Variants in RERG observed in about 807,000 individuals in gnomAD.
RERG encodes ras-related and estrogen-regulated growth inhibitor.
In RERG, 25 loss-of-function variants were observed where a neutral mutation model predicts 23.2. The observed-to-expected ratio is 1.08, with a 90% confidence interval of 0.79 to 1.50. The LOEUF (loss-of-function observed/expected upper bound fraction) is 1.50. Ranked by LOEUF, RERG falls within the 40% of genes most tolerant of loss-of-function variation. RERG has a pLI of 0.00. For synonymous variants in RERG, 81 were observed against 89.1 expected (o/e 0.91, Z 0.51); for missense variants, 253 against 250.1 (o/e 1.01, Z -0.08).
rs758066605 is a variant in RERG at position 15,109,157 on chromosome 12, G to A, written c.553C>T (p.His185Tyr). 4 of 1,606,184 alleles carry A rather than the reference G, an allele frequency of 2.5e-6. No individual in the cohort carries two copies. The stretch of plus-strand genomic sequence containing the variant: ...ATCTTGTTAATGGCTTGCTTGACAT[G>A]CGTGGTGGAGCTGCGTCGCCTCGTC... Reference protein sequence around the residue: ...GKTRRRSSTTHVKQAINKMLT... With the variant: ...GKTRRRSSTTYVKQAINKMLT... The change falls in exon 5 of 5, where the codon CAT (histidine) becomes TAT (tyrosine). Residue 185 changes from histidine (H) to tyrosine (Y), a missense_variant. His to Tyr is a moderately conservative substitution (Grantham distance 83). Coordinates refer to ENST00000256953, the MANE Select transcript of RERG (RefSeq NM_032918.3).
At chr12:15,120,125 A>G (rs898929177) in intron 3 of RERG, among the ~76,000 whole-genome samples, 3 of 152,190 alleles carry the variant, frequency 2.0e-5, no homozygotes, top group African/African-American at 7.2e-5. Context: ...AACGATTTAG[A>G]CAAAAATGTT....
intron 2 of RERG, among the ~76,000 whole-genome samples, chr12:15,211,163 A>G (rs1865360588): frequency 6.6e-6 from 1 of 152,074 alleles, no homozygotes; most frequent in Non-Finnish European, 1.5e-5. Context: ...AATTTACCAC[A>G]AAGATTATAT....
At chr12:15,167,615 G>T (rs2136119348) in intron 2 of RERG, among the ~76,000 whole-genome samples, 1 of 152,266 alleles carries the variant, frequency 6.6e-6, no homozygotes, top group Middle Eastern at 3.4e-3. Flanking sequence ...CAAAAAGACA[G>T]GCAGTTTTGT....
chr12:15,183,791 G>T (rs1864956139), intron 2 of RERG, among the ~76,000 whole-genome samples: 1 of 152,110 alleles, frequency 6.6e-6, no homozygotes, highest in Middle Eastern at 3.4e-3. Context: ...GAAAGCAAAG[G>T]GTCATCCAGA....
At chr12:15,198,532 T>G (rs1565535390) in intron 2 of RERG, among the ~76,000 whole-genome samples, 1 of 152,172 alleles carries the variant, frequency 6.6e-6, no homozygotes, top group Admixed American at 6.5e-5. Flanking sequence ...AATTTCAGTA[T>G]ACATATGAAA....
At chr12:15,154,086 T>C (rs145813641) in intron 2 of RERG, among the ~76,000 whole-genome samples, 1 of 152,334 alleles carries the variant, frequency 6.6e-6, no homozygotes, top group East Asian at 1.9e-4. Flanking sequence ...CCAATCCTTC[T>C]GACGCCTTGA....
At chr12:15,144,994 C>CT (rs1293241229) in intron 2 of RERG, among the ~76,000 whole-genome samples, 3 of 152,152 alleles carry the variant, frequency 2.0e-5, no homozygotes, top group African/African-American at 7.2e-5. Context: ...ATTTTCTTTT[C>CT]TTTTTTCCAT....
At chr12:15,158,648 A>G (rs1365769121) in intron 2 of RERG, among the ~76,000 whole-genome samples, 1 of 152,160 alleles carries the variant, frequency 6.6e-6, no homozygotes, top group Non-Finnish European at 1.5e-5. Context: ...TTTGAAGAGT[A>G]CACAGTTTTT....
At position 15,156,298 on chromosome 12, in the gene RERG, G is replaced by A. The variant is rs934906452; in HGVS notation, c.62-35179C>T. Among the ~76,000 whole-genome samples, 7 of 152,272 alleles carry A rather than the reference G, an allele frequency of 4.6e-5. No homozygotes were observed. The South Asian group carries it at 1.2e-3, about 27-fold the overall frequency. On this transcript the variant is annotated intron_variant, in intron 2 of 4. Transcript: ENST00000256953. ...GCAGTGCCAAATGTCATTTAAGGGT[G>A]CATGAAAATGTAGATGAAATGTTTT...
intron 2 of RERG, among the ~76,000 whole-genome samples, chr12:15,193,183 T>A (rs1865095920): frequency 6.6e-6 from 1 of 152,208 alleles, no homozygotes; most frequent in African/African-American, 2.4e-5. Flanking sequence ...TATAATTTGT[T>A]AATTGGAATT....
At chr12:15,206,579 G>A (rs796740484) in intron 2 of RERG, among the ~76,000 whole-genome samples, 44 of 152,198 alleles carry the variant, frequency 2.9e-4, no homozygotes, top group African/African-American at 1.0e-3. Context: ...CTCTGGCTTC[G>A]GTGCAGACCT....
intron 2 of RERG, among the ~76,000 whole-genome samples, chr12:15,216,829 CA>C (rs1865446492): frequency 6.6e-6 from 1 of 152,200 alleles, no homozygotes; most frequent in Non-Finnish European, 1.5e-5. Flanking sequence ...AGATAGTGAA[CA>C]AAGTCTCTGA....
chr12:15,217,621 T>C lies in RERG; in HGVS notation c.-114-18A>G, dbSNP rs1258879244. On this transcript the variant is annotated intron_variant, in intron 1 of 4. Coordinates refer to ENST00000256953, the MANE Select transcript of RERG (RefSeq NM_032918.3). ...CCACAATCCTTAAACAAAAGAAATTTGGGAATTCATAAGTGACTGGAAAAT... is the reference window on the plus strand; with the variant it reads ...CCACAATCCTTAAACAAAAGAAATTCGGGAATTCATAAGTGACTGGAAAAT... The C allele has an allele frequency of 1.5e-6, 1 of 684,224 alleles. No individual in the cohort carries two copies. The allele number at this position is 684,224 out of a possible 1,614,324, so 42.4% of individuals were successfully genotyped here.
intron 2 of RERG, among the ~76,000 whole-genome samples, chr12:15,128,183 A>C (rs1392640860): frequency 6.6e-6 from 1 of 152,178 alleles, no homozygotes; most frequent in Admixed American, 6.5e-5. Context: ...GATTAGATTT[A>C]TTCTTCCTTA....
chr12:15,178,626 C>A (rs1244393889), intron 2 of RERG, among the ~76,000 whole-genome samples: 1 of 152,124 alleles, frequency 6.6e-6, no homozygotes, highest in Non-Finnish European at 1.5e-5. Flanking sequence ...GTCTCAATTT[C>A]CTCATCTGTA....
chr12:15,131,914 C>T (rs1864055225), intron 2 of RERG, among the ~76,000 whole-genome samples: 2 of 152,090 alleles, frequency 1.3e-5, no homozygotes, highest in Non-Finnish European at 2.9e-5. Flanking sequence ...CATAAGAAGA[C>T]AGGAAGCCTT....
intron 4 of RERG, among the ~76,000 whole-genome samples, chr12:15,110,251 C>T (rs1219877719): frequency 6.6e-6 from 1 of 152,018 alleles, no homozygotes; most frequent in African/African-American, 2.4e-5. Flanking sequence ...GAGGCATGCA[C>T]CTCCCTGCTG....
Position 15,133,144 on chromosome 12 carries a change from G to GATATATAT in RERG, c.62-12026_62-12025insATATATAT, listed in dbSNP as rs1491335287. Among the ~76,000 whole-genome samples the GATATATAT allele has an allele frequency of 7.8e-4, 46 of 59,216 alleles. 1 individual carries two copies. The East Asian group carries it at 8.1e-3, about 10-fold the overall frequency. 38.8% of individuals were successfully genotyped at this position (59,216 alleles called of 152,430 possible). ...CACTCTTGGGGTTGTATATCCTGTG[G>GATATATAT]AGATATATATATATATATATATATA... On this transcript the variant is annotated intron_variant, in intron 2 of 4. Transcript: ENST00000256953.
chr12:15,150,036 G>A (rs1345494080), intron 2 of RERG, among the ~76,000 whole-genome samples: 3 of 152,128 alleles, frequency 2.0e-5, no homozygotes, highest in Non-Finnish European at 2.9e-5. Flanking sequence ...ACTTTGGTCT[G>A]TGAACCCCCC....
Sources: gnomAD v4.1 joint callset for allele counts (sites outside exome capture counted in the v4.1 genomes callset) on GRCh38, gnomAD v4.1.1 for gene constraint, MANE v1.5 for transcripts, NCBI Gene and HGNC (gene_info 2026-07-23, HGNC 2026-07-21) for gene names.